The following PCDH7 variants were observed in gnomAD, a reference collection of about 807,000 sequenced individuals.
The protein encoded by PCDH7 is protocadherin 7.
A neutral mutation model predicts 58.9 loss-of-function variants in PCDH7; 17 were observed. The observed-to-expected ratio is 0.29, with a 90% confidence interval of 0.20 to 0.43. PCDH7 has a LOEUF of 0.43. Among genes scored for constraint, PCDH7 ranks in the 20% least tolerant of loss-of-function variants. PCDH7 has a pLI of 1.00. For synonymous variants in PCDH7, 664 were observed against 616.4 expected (o/e 1.08, Z -1.14); for missense variants, 1,274 against 1,441.0 (o/e 0.88, Z 1.88).
intron 3 of PCDH7, among the ~76,000 whole-genome samples, chr4:30,959,244 G>A (rs2109457120): frequency 7.0e-6 from 1 of 142,708 alleles, no homozygotes; most frequent in African/African-American, 2.5e-5. Context: ...CAATTGGAAA[G>A]TCTTTTTTTT....
At chr4:30,981,480 G>C (rs1259739035) in intron 3 of PCDH7, among the ~76,000 whole-genome samples, 1 of 152,146 alleles carries the variant, frequency 6.6e-6, no homozygotes, top group Admixed American at 6.5e-5. Context: ...AAAATATCAT[G>C]ATTTTTCATA....
intron 1 of PCDH7, chr4:30,884,423 A>G (rs1737411097): frequency 1.3e-5 from 2 of 152,178 alleles, no homozygotes; most frequent in East Asian, 1.9e-4. Flanking sequence ...TTATTGAATT[A>G]TACTACAAGG....
intron 3 of PCDH7, among the ~76,000 whole-genome samples, chr4:31,120,525 T>C (rs1410801331): frequency 6.6e-6 from 1 of 150,830 alleles, no homozygotes; most frequent in African/African-American, 2.4e-5. Flanking sequence ...GAGGAGATGA[T>C]AAAATCAGGA....
Position 30,816,332 on chromosome 4 carries a change from A to C in PCDH7, c.70+91736A>C, listed in dbSNP as rs1313946933. On this transcript the variant is annotated intron_variant, in intron 1 of 3. Transcript: ENST00000509759. Reference sequence around the variant, plus strand: ...AAATTTTCAGTTCTAAAATCTCTGAAGTACTTCTCTCCTGCAGTGATTGAC... The same window carrying C: ...AAATTTTCAGTTCTAAAATCTCTGACGTACTTCTCTCCTGCAGTGATTGAC... 2.0e-5 allele frequency among the ~76,000 whole-genome samples: 3 copies of C among 152,216 alleles called. No homozygotes were observed. In the South Asian group the frequency reaches 6.2e-4, roughly 31 times the overall value.
At chr4:31,098,302 T>C (rs1323382589) in intron 3 of PCDH7, among the ~76,000 whole-genome samples, 2 of 152,220 alleles carry the variant, frequency 1.3e-5, no homozygotes, top group African/African-American at 4.8e-5. Context: ...TTTTGTGAAA[T>C]GTATTTCTAG....
chr4:30,744,800 A>G (rs946700839), intron 1 of PCDH7, among the ~76,000 whole-genome samples: 2 of 152,232 alleles, frequency 1.3e-5, no homozygotes, highest in African/African-American at 4.8e-5. Flanking sequence ...ACATTTCAAC[A>G]AGTTTTTGCT....
At chr4:31,019,659 A>G (rs1018763812) in intron 3 of PCDH7, among the ~76,000 whole-genome samples, 1 of 151,584 alleles carries the variant, frequency 6.6e-6, no homozygotes, top group Non-Finnish European at 1.5e-5. Flanking sequence ...ATTAAACTCC[A>G]GCCTGGGGAC....
intron 1 of PCDH7, among the ~76,000 whole-genome samples, chr4:30,819,629 C>T (rs573632103): frequency 6.6e-6 from 1 of 152,078 alleles, no homozygotes; most frequent in African/African-American, 2.4e-5. Flanking sequence ...ATATGATAGT[C>T]TCTTGAATAA....
At chr4:30,737,443 A>T (rs183085735), downstream of PCDH7, among the ~76,000 whole-genome samples, 94 of 152,240 alleles carry the variant, frequency 6.2e-4, 3 homozygotes, top group East Asian at 0.016. Flanking sequence ...GCTTGAGCCC[A>T]GGAGGTTGAG....
chr4:31,081,170 T>A (rs1488449593), intron 3 of PCDH7, among the ~76,000 whole-genome samples: 3 of 152,340 alleles, frequency 2.0e-5, no homozygotes, highest in Admixed American at 1.3e-4. Context: ...CTAAATGGAA[T>A]TTCTGGTATT....
intron 3 of PCDH7, among the ~76,000 whole-genome samples, chr4:31,138,803 T>C (rs905673079): frequency 6.6e-6 from 1 of 152,014 alleles, no homozygotes; most frequent in Non-Finnish European, 1.5e-5. Flanking sequence ...GAAACCCCAT[T>C]GTATTTTGAA....
At chr4:30,876,938 A>C (rs1243277504) in intron 1 of PCDH7, among the ~76,000 whole-genome samples, 1 of 151,892 alleles carries the variant, frequency 6.6e-6, no homozygotes, top group Non-Finnish European at 1.5e-5. Flanking sequence ...CCGGTGTGTG[A>C]TGTTCCCCTC....
intron 1 of PCDH7, among the ~76,000 whole-genome samples, chr4:30,873,759 C>G (rs1735920035): frequency 6.6e-6 from 1 of 151,962 alleles, no homozygotes; most frequent in Non-Finnish European, 1.5e-5. Flanking sequence ...CCACCTGACA[C>G]TAATTTGGAT....
chr4:31,111,350 C>A (rs996986356), intron 3 of PCDH7, among the ~76,000 whole-genome samples: 14 of 148,512 alleles, frequency 9.4e-5, no homozygotes, highest in Admixed American at 2.0e-4. Flanking sequence ...CTCTGTCGCT[C>A]GGGCTAGAGT....
chr4:30,724,369 G>A (rs757764562), exon 1 of PCDH7: 16 of 1,613,964 alleles, frequency 9.9e-6, no homozygotes, highest in Middle Eastern at 1.6e-4. Flanking sequence ...ATACAGGTCC[G>A]TTAATGGTGG....
At chr4:30,946,903 G>A (rs770760353) in intron 2 of PCDH7, among the ~76,000 whole-genome samples, 2 of 152,008 alleles carry the variant, frequency 1.3e-5, no homozygotes, top group Non-Finnish European at 2.9e-5. Context: ...GTAGGGATGG[G>A]GTTTTCCCAT....
chr4:31,116,315 A>G (rs943157493), intron 3 of PCDH7, among the ~76,000 whole-genome samples: 3 of 152,248 alleles, frequency 2.0e-5, no homozygotes, highest in African/African-American at 7.2e-5. Flanking sequence ...AAAAGGGTCC[A>G]TAAATGCTGT....
At chr4:31,007,084 C>G (rs1752825936) in intron 3 of PCDH7, among the ~76,000 whole-genome samples, 1 of 152,088 alleles carries the variant, frequency 6.6e-6, no homozygotes, top group Non-Finnish European at 1.5e-5. Context: ...AAGTGAGGCA[C>G]TGGTATAACT....
intron 1 of PCDH7, among the ~76,000 whole-genome samples, chr4:30,902,796 CT>C (rs1740406170): frequency 6.6e-6 from 1 of 152,064 alleles, no homozygotes; most frequent in Admixed American, 6.6e-5. Context: ...TGTAAACAGG[CT>C]TAGAAAGCCA....
Sources: allele counts gnomAD v4.1 joint callset (sites outside exome capture counted in the v4.1 genomes callset), GRCh38; gene constraint gnomAD v4.1.1; transcripts MANE v1.5; gene names NCBI Gene and HGNC (gene_info 2026-07-23, HGNC 2026-07-21).